TCF7L1: variants seen among roughly 807,000 people sequenced by gnomAD.
TCF7L1 encodes transcription factor 7-like 1.
Under a neutral mutation model 63.7 loss-of-function variants are expected in TCF7L1, and 18 were observed. That is an observed-to-expected ratio of 0.28 (90% CI 0.20 to 0.42). The LOEUF (loss-of-function observed/expected upper bound fraction) is 0.42, where lower values mean the gene tolerates loss of function less well. Ranked by LOEUF, TCF7L1 falls within the 10% of genes least tolerant of loss-of-function variation. The pLI is 1.00. For synonymous variants in TCF7L1, 355 were observed against 340.9 expected (o/e 1.04, Z -0.46); for missense variants, 654 against 779.3 (o/e 0.84, Z 1.91).
rs144827864 is a variant in TCF7L1, at chr2:85,302,603, C to T, written c.645C>T (p.Ile215=). ...CTCCCACCCACCTCTCCCCAGAGAT[C>T]GATCCAAAGACAGGTAAGTCGTCTG... The part of the protein sequence containing the change: ...GSPPTHLSPE[I]DPKTGIPRPP... The change falls in exon 5 of 12, where the codon ATC becomes ATT. Residue 215 remains isoleucine (I), a synonymous_variant. Coordinates refer to ENST00000282111, the MANE Select transcript of TCF7L1 (RefSeq NM_031283.3). 161 of 1,151,054 alleles carry T rather than the reference C, an allele frequency of 1.4e-4. No homozygotes were observed. Among genetic ancestry groups the T allele is most frequent in the Non-Finnish European group, 1.8e-4 (153 of 827,704 alleles). The allele number at this position is 1,151,054 out of a possible 1,614,324, so 71.3% of individuals were successfully genotyped here.
intron 3 of TCF7L1, among the ~76,000 whole-genome samples, chr2:85,145,771 G>A (rs760542326): frequency 6.6e-6 from 1 of 152,258 alleles, no homozygotes; most frequent in Non-Finnish European, 1.5e-5. Context: ...CAGTGGTAAA[G>A]CTTCATCTTC....
intron 3 of TCF7L1, among the ~76,000 whole-genome samples, chr2:85,213,158 G>T (rs1679614363): frequency 7.7e-6 from 1 of 130,628 alleles, no homozygotes; most frequent in East Asian, 2.8e-4. Flanking sequence ...GGGGTGGGGG[G>T]AGGGTTTGGG....
intron 3 of TCF7L1, among the ~76,000 whole-genome samples, chr2:85,217,536 G>A (rs991290908): frequency 1.1e-4 from 16 of 152,112 alleles, no homozygotes; most frequent in African/African-American, 1.9e-4. Flanking sequence ...ATACAGACTC[G>A]GACATTCCAC....
At chr2:85,192,777 T>C (rs1432264) in intron 3 of TCF7L1, among the ~76,000 whole-genome samples, 129,375 of 151,440 alleles carry the variant, frequency 0.85, 55,683 homozygotes, top group African/African-American at 0.96. Flanking sequence ...TGGGCTCAAG[T>C]GATCCTCCTG....
intron 3 of TCF7L1, among the ~76,000 whole-genome samples, chr2:85,246,608 C>T (rs1033679574): frequency 6.6e-6 from 1 of 152,202 alleles, no homozygotes; most frequent in African/African-American, 2.4e-5. Context: ...ACGCAGGTCT[C>T]CTGACTTCTC....
At chr2:85,193,904 A>AAGTTC (rs1434855464) in intron 3 of TCF7L1, among the ~76,000 whole-genome samples, 2 of 151,986 alleles carry the variant, frequency 1.3e-5, no homozygotes, top group African/African-American at 4.8e-5. Flanking sequence ...TGGTATGTGG[A>AAGTTC]AGTTCATTTT....
At chr2:85,260,067 C>A (rs1680823166) in intron 3 of TCF7L1, among the ~76,000 whole-genome samples, 1 of 152,196 alleles carries the variant, frequency 6.6e-6, no homozygotes, top group African/African-American at 2.4e-5. Context: ...TCCAGGACTG[C>A]AAATTGCAGC....
intron 3 of TCF7L1, among the ~76,000 whole-genome samples, chr2:85,246,886 T>C (rs1253284534): frequency 6.6e-6 from 1 of 152,256 alleles, no homozygotes; most frequent in Non-Finnish European, 1.5e-5. Flanking sequence ...AGAATTGCTC[T>C]GTGCCTGATG....
At chr2:85,252,220 G>A (rs1049492311) in intron 3 of TCF7L1, among the ~76,000 whole-genome samples, 3 of 152,144 alleles carry the variant, frequency 2.0e-5, no homozygotes, top group African/African-American at 7.2e-5. Flanking sequence ...TGAGGCTATG[G>A]GTGGTCCTCC....
intron 3 of TCF7L1, among the ~76,000 whole-genome samples, chr2:85,198,685 A>C (rs1242968057): frequency 2.0e-5 from 3 of 152,176 alleles, no homozygotes; most frequent in African/African-American, 7.2e-5. Context: ...CCTGGGCAAC[A>C]AAGTGAGATC....
chr2:85,275,712 A>T (rs2104360527), intron 3 of TCF7L1, among the ~76,000 whole-genome samples: 1 of 152,204 alleles, frequency 6.6e-6, no homozygotes, highest in Admixed American at 6.5e-5. Context: ...TGAGCTCAGG[A>T]GTTCGAGACC....
chr2:85,290,228 G>A (rs975511065), intron 4 of TCF7L1, among the ~76,000 whole-genome samples: 4 of 151,510 alleles, frequency 2.6e-5, no homozygotes, highest in Admixed American at 1.3e-4. Flanking sequence ...TGATCTGCCC[G>A]CCTTGGCCTC....
intron 3 of TCF7L1, among the ~76,000 whole-genome samples, chr2:85,186,094 G>A (rs917324665): frequency 1.2e-4 from 18 of 151,390 alleles, no homozygotes; most frequent in Non-Finnish European, 2.1e-4. Flanking sequence ...AGCCTCCCGA[G>A]TAGCTGGGAC....
At chr2:85,302,906 GC>G (rs2104387690) in intron 5 of TCF7L1, among the ~76,000 whole-genome samples, 1 of 151,946 alleles carries the variant, frequency 6.6e-6, no homozygotes, top group South Asian at 2.1e-4. Context: ...CCCAAGTCTA[GC>G]CCAGCTGTGG....
At chr2:85,200,504 A>T (rs1679249300) in intron 3 of TCF7L1, among the ~76,000 whole-genome samples, 1 of 152,218 alleles carries the variant, frequency 6.6e-6, no homozygotes, top group South Asian at 2.1e-4. Flanking sequence ...ATAAGTTTAC[A>T]TTGTCTGTCT....
chr2:85,253,091 A>G (rs1032453576), intron 3 of TCF7L1, among the ~76,000 whole-genome samples: 6 of 152,212 alleles, frequency 3.9e-5, no homozygotes, highest in Non-Finnish European at 7.3e-5. Context: ...AAACAGTGCA[A>G]TAAGACTATG....
rs759348807 is a variant in TCF7L1 at position 85,298,191 on chromosome 2, C to CAAAA, written c.526-4281_526-4278dup. 3.8e-3 allele frequency among the ~76,000 whole-genome samples: 172 copies of CAAAA among 44,732 alleles called. 16 individuals carry two copies. The East Asian group carries it at 0.043, about 11-fold the overall frequency. 29.3% of individuals were successfully genotyped at this position (44,732 alleles called of 152,430 possible). A position where few individuals can be genotyped will look rare whatever the true frequency, so the allele number is the denominator to read the frequency against. On this transcript the variant is annotated intron_variant, in intron 4 of 11. Transcript: ENST00000282111. ...TGGGTGACAGAGTGAGACTCCATCT[C>CAAAA]AAAAAAAAAAAAAAAGTGCAGGCCG...
At chr2:85,140,323 G>A (rs1194149010) in intron 3 of TCF7L1, among the ~76,000 whole-genome samples, 5 of 152,172 alleles carry the variant, frequency 3.3e-5, no homozygotes, top group Non-Finnish European at 7.4e-5. Flanking sequence ...AGGTGTGAGG[G>A]GATGTTGAGG....
chr2:85,154,948 C>A (rs1678111275), intron 3 of TCF7L1, among the ~76,000 whole-genome samples: 1 of 152,156 alleles, frequency 6.6e-6, no homozygotes, highest in Non-Finnish European at 1.5e-5. Flanking sequence ...TTCTGAGTAG[C>A]TGGGACTACA....
Sources: allele counts gnomAD v4.1 joint callset (sites outside exome capture counted in the v4.1 genomes callset), GRCh38; gene constraint gnomAD v4.1.1; transcripts MANE v1.5; gene names NCBI Gene and HGNC (gene_info 2026-07-23, HGNC 2026-07-21).